Variants in PABIR2 observed in about 807,000 individuals in gnomAD.
PABIR2 encodes the protein PABIR family member 2.
Under a neutral mutation model 22.8 loss-of-function variants are expected in PABIR2, and 7 were observed. The ratio of observed to expected loss-of-function variants is 0.31; its 90% confidence interval spans 0.17 to 0.58. PABIR2 has a LOEUF of 0.58. Among genes scored for constraint, PABIR2 ranks in the 20% least tolerant of loss-of-function variants. PABIR2 has a pLI of 0.89. For missense variants in PABIR2, 155 were observed against 205.1 expected (o/e 0.76, Z 1.49); for synonymous variants, 67 against 73.8 (o/e 0.91, Z 0.47).
intron 2 of PABIR2, chrX:134,791,640 G>A (rs972100807): frequency 3.0e-6 from 1 of 330,855 alleles, no homozygotes; most frequent in East Asian, 9.7e-5. Context: ...GAACCATTGG[G>A]GAGAAATGCC....
intron 1 of PABIR2, among the ~76,000 whole-genome samples, chrX:134,794,282 G>A (rs918990039): frequency 5.4e-5 from 6 of 111,521 alleles, no homozygotes; most frequent in Admixed American, 9.5e-5. Flanking sequence ...GCCATGATGC[G>A]AAAAGGGGTG....
intron 9 of PABIR2, among the ~76,000 whole-genome samples, chrX:134,772,659 G>A (rs996819811): frequency 9.0e-6 from 1 of 110,987 alleles, no homozygotes; most frequent in African/African-American, 3.3e-5. Context: ...TACTTATTGA[G>A]GTAACCATAC....
intron 2 of PABIR2, chrX:134,791,732 A>G (rs1483127116): frequency 1.6e-5 from 5 of 317,281 alleles, no homozygotes; most frequent in African/African-American, 2.7e-5. Context: ...GTAAAGTAAG[A>G]AGGGTCATCT....
chrX:134,771,376 T>G lies in PABIR2; in HGVS notation c.*763A>C, dbSNP rs1375677776. 8.7e-7 allele frequency: 1 copy of G among 1,146,033 alleles called. No homozygotes were observed. 94.4% of individuals were successfully genotyped at this position (1,146,033 alleles called of 1,213,427 possible). A position where few individuals can be genotyped will look rare whatever the true frequency, so the allele number is the denominator to read the frequency against. On this transcript the variant is annotated 3_prime_UTR_variant, in exon 10 of 10. Transcript: ENST00000343004. The stretch of plus-strand genomic sequence containing the variant: ...CCACCTAGAAATATCAACAATATTT[T>G]ATATATTCCTTAGGGCAACAGGTTT...
At position 134,789,272 on chromosome X, in the gene PABIR2, A is replaced by C; in HGVS notation, c.235-6T>G. 1 of 1,212,179 alleles carries C rather than the reference A, an allele frequency of 8.2e-7. No individual in the cohort carries two copies. The highest frequency in any genetic ancestry group is 1.7e-5 in the African/African-American group (1 of 57,962). ...ACCATATCCAGGCCTTCTTCCTGCA[A>C]AGACAAACATATATGCTAAAAAGGC... On this transcript the variant is annotated splice_polypyrimidine_tract_variant and splice_region_variant and intron_variant, in intron 3 of 9. Coordinates refer to ENST00000343004, the MANE Select transcript of PABIR2 (RefSeq NM_001387468.1).
At chrX:134,784,494 CTTT>C (rs113565776) in intron 8 of PABIR2, among the ~76,000 whole-genome samples, 2 of 98,849 alleles carry the variant, frequency 2.0e-5, no homozygotes. Flanking sequence ...ACCTGTGTTG[CTTT>C]TTTTTTTTTT....
In PABIR2 at chrX:134,772,069, T is replaced by C. The variant is rs1008473725; in HGVS notation, c.*70A>G. On this transcript the variant is annotated 3_prime_UTR_variant, in exon 10 of 10. Coordinates refer to ENST00000343004, the MANE Select transcript of PABIR2 (RefSeq NM_001387468.1). Reference sequence around the variant, plus strand: ...TTTAATCCTCATTATGGATCAAAGTTCTCTGCGTTCCCCACTAAACATTTT... The same window carrying C: ...TTTAATCCTCATTATGGATCAAAGTCCTCTGCGTTCCCCACTAAACATTTT... 44 of 1,124,844 alleles carry C rather than the reference T, an allele frequency of 3.9e-5. No homozygotes were observed. The highest frequency in any genetic ancestry group is 6.3e-5 in the East Asian group (2 of 31,959). The allele number at this position is 1,124,844 out of a possible 1,213,427, so 92.7% of individuals were successfully genotyped here. A position where few individuals can be genotyped will look rare whatever the true frequency, so the allele number is the denominator to read the frequency against.
chrX:134,788,172 C>T (rs549355032), intron 6 of PABIR2, among the ~76,000 whole-genome samples: 2 of 87,367 alleles, frequency 2.3e-5, no homozygotes, highest in Non-Finnish European at 4.3e-5. Context: ...AATATATACA[C>T]GTTATATATG....
chrX:134,769,781 G>T lies in PABIR2; in HGVS notation c.*2358C>A, dbSNP rs776429284. ...AGCCTGAAATATATGATATATATTAGAATAGGAAGAGAGAATTTTACTTTA... is the reference window on the plus strand; with the variant it reads ...AGCCTGAAATATATGATATATATTATAATAGGAAGAGAGAATTTTACTTTA... On this transcript the variant is annotated 3_prime_UTR_variant, in exon 10 of 10. Coordinates refer to ENST00000343004, the MANE Select transcript of PABIR2 (RefSeq NM_001387468.1). The T allele has an allele frequency of 9.0e-6, 1 of 111,718 alleles. No individual in the cohort carries two copies. The highest frequency in any genetic ancestry group is 3.3e-5 in the African/African-American group (1 of 30,703). The allele number at this position is 111,718 out of a possible 1,213,427, so 9.2% of individuals were successfully genotyped here.
chrX:134,785,744 C>T (rs2079296540), intron 8 of PABIR2, 142 bp downstream of exon 8: 8 of 567,961 alleles, frequency 1.4e-5, no homozygotes, highest in South Asian at 3.1e-5. Flanking sequence ...GCCCAGCCCA[C>T]GGTCAAGTTT....
intron 7 of PABIR2, among the ~76,000 whole-genome samples, chrX:134,786,922 G>C (rs189920113): frequency 1.9e-3 from 213 of 110,600 alleles, no homozygotes; most frequent in African/African-American, 6.5e-3. Flanking sequence ...CTGCACTCTA[G>C]CCTGGCGACA....
chrX:134,775,297 G>A (rs1184019497), intron 9 of PABIR2, among the ~76,000 whole-genome samples: 2 of 110,596 alleles, frequency 1.8e-5, no homozygotes, highest in African/African-American at 3.3e-5. Context: ...TTGGGAGGCC[G>A]AGGTGGGCGG....
chrX:134,771,816 A>C lies in PABIR2; in HGVS notation c.*323T>G, dbSNP rs2078844510. 1.1e-5 allele frequency: 9 copies of C among 843,714 alleles called. No homozygotes were observed. Among genetic ancestry groups the C allele is most frequent in the Non-Finnish European group, 1.1e-5 (8 of 698,340 alleles). 69.5% of individuals were successfully genotyped at this position (843,714 alleles called of 1,213,427 possible). A position where few individuals can be genotyped will look rare whatever the true frequency, so the allele number is the denominator to read the frequency against. ...AGGACCATTAAAGGCAATACACATC[A>C]GTGCCTTTCTTAAATGTATAGACTC... On this transcript the variant is annotated 3_prime_UTR_variant, in exon 10 of 10. Transcript: ENST00000343004.
chrX:134,793,852 C>T lies in PABIR2; in HGVS notation c.140G>A (p.Arg47Gln), dbSNP rs866414665. Residue 47 changes from arginine (R) to glutamine (Q), a missense_variant, in exon 2 of 10, where the codon CGG becomes CAG. Transcript: ENST00000343004. ...GCTCATAATTGTTGTACTATTCCTC[C>T]GAGTTCTAAGTGTGTAAGGTTGGAA... is the stretch of plus-strand genomic sequence containing the variant. ...QVFQPYTLRT[R>Q]RNSTTIMSRH... is the part of the protein sequence containing the mutation. 8.3e-7 allele frequency: 1 copy of T among 1,209,579 alleles called. No individual in the cohort carries two copies. The highest frequency in any genetic ancestry group is 1.1e-6 in the Non-Finnish European group (1 of 895,108).
intron 1 of PABIR2, 132 bp from the exon 2 acceptor site, chrX:134,794,025 C>A: frequency 1.8e-6 from 2 of 1,101,594 alleles, no homozygotes; most frequent in Non-Finnish European, 2.4e-6. Flanking sequence ...TCATTTCATA[C>A]AGAGAATGAA....
intron 9 of PABIR2, among the ~76,000 whole-genome samples, chrX:134,778,211 T>TA (rs1418885128): frequency 4.1e-5 from 4 of 98,115 alleles, no homozygotes; most frequent in Non-Finnish European, 6.1e-5. Flanking sequence ...AGTTTTTATA[T>TA]AAAAAAAATC....
chrX:134,777,566 C>T (rs1379713337), intron 9 of PABIR2, among the ~76,000 whole-genome samples: 2 of 106,237 alleles, frequency 1.9e-5, no homozygotes, highest in Non-Finnish European at 3.9e-5. Flanking sequence ...AGGTGGCTCA[C>T]GCCTGTAATC....
chrX:134,782,567 G>A (rs1210122283), intron 8 of PABIR2, among the ~76,000 whole-genome samples: 1 of 111,779 alleles, frequency 8.9e-6, no homozygotes. Flanking sequence ...TTAACATTTT[G>A]CTACCAGGAG....
At chrX:134,772,480 T>C (rs1043704901) in intron 9 of PABIR2, among the ~76,000 whole-genome samples, 197 bp from the exon 10 acceptor site, 1 of 111,753 alleles carries the variant, frequency 8.9e-6, no homozygotes, top group Non-Finnish European at 1.9e-5. Flanking sequence ...TTCGAGGTCC[T>C]GTATCATTTG....
Sources: gnomAD v4.1 joint callset for allele counts (sites outside exome capture counted in the v4.1 genomes callset) on GRCh38, gnomAD v4.1.1 for gene constraint, MANE v1.5 for transcripts, NCBI Gene and HGNC (gene_info 2026-07-23, HGNC 2026-07-21) for gene names.